The following ATP13A5 variants were observed in gnomAD, a reference collection of about 807,000 sequenced individuals.
The protein encoded by ATP13A5 is ATPase 13A5, also known as probable cation-transporting ATPase 13A5.
ATP13A5 carries 149 observed loss-of-function variants against 150.2 expected under a neutral mutation model. The ratio of observed to expected loss-of-function variants is 0.99; its 90% CI spans 0.87 to 1.14. The LOEUF is 1.14. Among genes scored for constraint, ATP13A5 ranks in the 50% most tolerant of loss-of-function variants. ATP13A5 has a pLI of 0.00. For synonymous variants in ATP13A5, 497 were observed against 522.2 expected, an observed-to-expected ratio of 0.95 and a Z score of 0.66; for missense variants, 1,383 against 1,449.3, an observed-to-expected ratio of 0.95 and a Z score of 0.74.
At chr3:193,371,330 T>G (rs1159700211) in intron 1 of ATP13A5, among the ~76,000 whole-genome samples, 1 of 152,224 alleles carries the variant, frequency 6.6e-6, no homozygotes, top group Non-Finnish European at 1.5e-5. Context: ...TAAGAGGGGC[T>G]TTTCGTTGCC....
chr3:193,336,342 A>G (rs937665962), intron 9 of ATP13A5, among the ~76,000 whole-genome samples: 1 of 152,028 alleles, frequency 6.6e-6, no homozygotes, highest in Admixed American at 6.6e-5. Context: ...CACCCATTAA[A>G]TCATAATTTA....
At chr3:193,363,163 T>C in intron 3 of ATP13A5, 73 bp downstream of exon 3, 2 of 1,504,506 alleles carry the variant, frequency 1.3e-6, no homozygotes, top group Non-Finnish European at 1.8e-6. Context: ...TATTCGGAAC[T>C]TTCATTTAAT....
At position 193,319,073 on chromosome 3, in the gene ATP13A5, T is replaced by C. The variant is rs1465449198; in HGVS notation, c.1951A>G (p.Thr651Ala). 6.2e-7 allele frequency: 1 copy of C among 1,613,862 alleles called. No homozygotes were observed. The change falls in exon 17 of 30, where the codon ACG becomes GCG. Residue 651 changes from threonine to alanine, a missense_variant. Coordinates refer to ENST00000342358, the MANE Select transcript of ATP13A5 (RefSeq NM_198505.4). ...GCAATGACACGGAAGCCTTGCACCG[T>C]GTAACTCCTCAGTTCCTGTGGGAAA... is the stretch of plus-strand genomic sequence containing the variant. ...KNFPQELRSY[T>A]VQGFRVIALA... is the part of the protein sequence containing the mutation.
Position 193,305,682 on chromosome 3 carries a change from C to A in ATP13A5, c.2569-14G>T, listed in dbSNP as rs1718586178. 2 of 1,610,500 alleles carry A rather than the reference C, an allele frequency of 1.2e-6. No homozygotes were observed. The highest frequency in any genetic ancestry group is 2.7e-5 in the African/African-American group (2 of 74,796). ...CGCTTTCAAAGCCTGGAATGATAAGCCCATGTCTCACCCATGACTTTTCAG... is the reference window on the plus strand; with the variant it reads ...CGCTTTCAAAGCCTGGAATGATAAGACCATGTCTCACCCATGACTTTTCAG... On this transcript the variant is annotated splice_polypyrimidine_tract_variant and intron_variant, in intron 22 of 29. Transcript: ENST00000342358.
chr3:193,295,779 GT>G (rs1718145533), intron 25 of ATP13A5, among the ~76,000 whole-genome samples: 1 of 152,164 alleles, frequency 6.6e-6, no homozygotes, highest in Non-Finnish European at 1.5e-5. Context: ...CTATAAGCAT[GT>G]CTGTTCCTGC....
chr3:193,277,582 C>T (rs1213776741), intron 28 of ATP13A5: 1 of 152,228 alleles, frequency 6.6e-6, no homozygotes, highest in African/African-American at 2.4e-5. Flanking sequence ...TAATTCTCAC[C>T]CCTATGCTGA....
chr3:193,308,292 T>C (rs1718696809), intron 21 of ATP13A5, among the ~76,000 whole-genome samples: 1 of 152,062 alleles, frequency 6.6e-6, no homozygotes. Flanking sequence ...ACCCCATCTC[T>C]ACTAAAGATA....
intron 1 of ATP13A5, among the ~76,000 whole-genome samples, chr3:193,378,153 A>C (rs1003821234): frequency 2.0e-5 from 3 of 152,150 alleles, no homozygotes; most frequent in African/African-American, 7.2e-5. Context: ...TGTTTAAAAT[A>C]TGTGTTAAAA....
At chr3:193,340,797 T>G (rs115583330) in intron 9 of ATP13A5, among the ~76,000 whole-genome samples, 1 of 152,308 alleles carries the variant, frequency 6.6e-6, no homozygotes, top group African/African-American at 2.4e-5. Context: ...TGTTGAAAAT[T>G]TGTGTCATTT....
chr3:193,336,410 C>T (rs1040606611), intron 9 of ATP13A5, among the ~76,000 whole-genome samples: 1 of 152,118 alleles, frequency 6.6e-6, no homozygotes, highest in South Asian at 2.1e-4. Flanking sequence ...ACGACAGGCC[C>T]CGGTGTGTGA....
At chr3:193,316,387 C>A (rs1719053483) in intron 17 of ATP13A5, among the ~76,000 whole-genome samples, 1 of 152,012 alleles carries the variant, frequency 6.6e-6, no homozygotes, top group African/African-American at 2.4e-5. Flanking sequence ...AAATTAAAAA[C>A]ATTCTATTTT....
chr3:193,292,468 C>T (rs555089318), intron 25 of ATP13A5, among the ~76,000 whole-genome samples: 39 of 152,222 alleles, frequency 2.6e-4, no homozygotes, highest in African/African-American at 8.7e-4. Context: ...TTTGTCATCC[C>T]TTAATTTTGG....
chr3:193,347,047 C>T (rs1387599405), intron 7 of ATP13A5, among the ~76,000 whole-genome samples: 1 of 152,262 alleles, frequency 6.6e-6, no homozygotes, highest in East Asian at 1.9e-4. Flanking sequence ...GTCGTTTTCT[C>T]TGTAAACAGA....
chr3:193,363,961 A>G (rs923497), intron 2 of ATP13A5, 146 bp downstream of exon 2: 462,936 of 891,048 alleles, frequency 0.52, 122,220 homozygotes, highest in African/African-American at 0.66. Context: ...ATTTTGCCGT[A>G]TTTTCTCCTG....
At chr3:193,349,516 T>A (rs1712481421) in intron 7 of ATP13A5, among the ~76,000 whole-genome samples, 1 of 152,130 alleles carries the variant, frequency 6.6e-6, no homozygotes, top group South Asian at 2.1e-4. Context: ...AATATATAAA[T>A]GTTCATCCAC....
At position 193,305,658 on chromosome 3, in the gene ATP13A5, G is replaced by A. The variant is rs149959340; in HGVS notation, c.2579C>T (p.Ala860Val). ...DGANDCGALK[A>V]AHAGISLSEQ... ...TGATAATGAAATGCCTGCATGAGCC[G>A]CTTTCAAAGCCTGGAATGATAAGCC... The change falls in exon 23 of 30, where the codon GCG becomes GTG. Residue 860 changes from alanine (A) to valine (V), a missense_variant. Physicochemically the swap from Ala to Val is moderately conservative, Grantham distance 64 (BLOSUM62 0). Transcript: ENST00000342358. 37 of 1,613,628 alleles carry A rather than the reference G, an allele frequency of 2.3e-5. No homozygotes were observed. Among genetic ancestry groups the A allele is most frequent in the East Asian group, 6.7e-5 (3 of 44,876 alleles).
chr3:193,376,958 C>T (rs1713667299), intron 1 of ATP13A5, among the ~76,000 whole-genome samples: 1 of 152,164 alleles, frequency 6.6e-6, no homozygotes, highest in East Asian at 1.9e-4. Flanking sequence ...ATGAGTTAAG[C>T]TTACTTGGAT....
chr3:193,276,698 T>C, intron 29 of ATP13A5, 52 bp downstream of exon 29: 1 of 1,322,662 alleles, frequency 7.6e-7, no homozygotes, highest in Non-Finnish European at 1.1e-6. Context: ...CTGCTGAAAA[T>C]GAGATCCTTA....
At chr3:193,373,671 T>A (rs1261576107) in intron 1 of ATP13A5, among the ~76,000 whole-genome samples, 1 of 152,156 alleles carries the variant, frequency 6.6e-6, no homozygotes, top group Non-Finnish European at 1.5e-5. Context: ...CCTTTCCATA[T>A]CTCGCATGTG....
Sources: gnomAD v4.1 joint callset for allele counts (sites outside exome capture counted in the v4.1 genomes callset) on GRCh38, gnomAD v4.1.1 for gene constraint, MANE v1.5 for transcripts, NCBI Gene and HGNC (gene_info 2026-07-23, HGNC 2026-07-21) for gene names.